The following NLGN1 variants were observed in gnomAD, a reference collection of about 807,000 sequenced individuals.
NLGN1 encodes neuroligin-1.
In NLGN1, 12 loss-of-function variants were observed where a neutral mutation model predicts 65.5. The ratio of observed to expected loss-of-function variants is 0.18; its 90% CI spans 0.12 to 0.30. The LOEUF (loss-of-function observed/expected upper bound fraction) is 0.30. Ranked by LOEUF, NLGN1 falls within the 10% of genes least tolerant of loss-of-function variation. The pLI is 1.00. For missense variants in NLGN1, 750 were observed against 1,007.1 expected, an observed-to-expected ratio of 0.74 and a Z score of 3.46; for synonymous variants, 350 against 359.5, an observed-to-expected ratio of 0.97 and a Z score of 0.30.
intron 1 of NLGN1, among the ~76,000 whole-genome samples, chr3:173,425,126 C>T (rs906484398): frequency 6.6e-6 from 1 of 152,084 alleles, no homozygotes; most frequent in East Asian, 1.9e-4. Flanking sequence ...GAGGAAGTGC[C>T]ACACTTAAAA....
At chr3:173,869,474 A>T (rs1560527229) in intron 4 of NLGN1, among the ~76,000 whole-genome samples, 1 of 152,182 alleles carries the variant, frequency 6.6e-6, no homozygotes, top group Non-Finnish European at 1.5e-5. Context: ...CTCCCTGGGC[A>T]TCAGAAACTA....
chr3:173,679,813 A>G (rs1186904524), intron 3 of NLGN1, among the ~76,000 whole-genome samples: 1 of 152,104 alleles, frequency 6.6e-6, no homozygotes, highest in East Asian at 1.9e-4. Flanking sequence ...ACCATGATAA[A>G]CCTACTGTAT....
chr3:174,085,004 G>A (rs182694751), intron 4 of NLGN1, among the ~76,000 whole-genome samples: 22 of 151,918 alleles, frequency 1.4e-4, no homozygotes, highest in Admixed American at 1.2e-3. Context: ...CCAAACTAGC[G>A]AAAATTCTTG....
intron 4 of NLGN1, among the ~76,000 whole-genome samples, chr3:174,096,953 G>A (rs758603272): frequency 4.0e-5 from 6 of 151,870 alleles, no homozygotes; most frequent in African/African-American, 7.2e-5. Context: ...ATAAGTTTTT[G>A]TGTATGTATG....
chr3:173,449,105 C>T (rs1720974045), intron 2 of NLGN1, among the ~76,000 whole-genome samples: 1 of 152,100 alleles, frequency 6.6e-6, no homozygotes, highest in East Asian at 1.9e-4. Context: ...CTTCTGCTAG[C>T]TTTTGAATGT....
At chr3:173,463,258 G>T (rs1576811828) in intron 2 of NLGN1, among the ~76,000 whole-genome samples, 1 of 152,234 alleles carries the variant, frequency 6.6e-6, no homozygotes, top group East Asian at 1.9e-4. Context: ...GGATTATATT[G>T]TTCAAAAACA....
At chr3:174,135,096 A>G (rs1012687358) in intron 4 of NLGN1, among the ~76,000 whole-genome samples, 1 of 152,144 alleles carries the variant, frequency 6.6e-6, no homozygotes, top group Admixed American at 6.5e-5. Context: ...TGATCATCCC[A>G]CGTGTAACAC....
At chr3:173,969,602 T>TAA (rs906661274) in intron 4 of NLGN1, among the ~76,000 whole-genome samples, 14 of 152,114 alleles carry the variant, frequency 9.2e-5, no homozygotes, top group African/African-American at 2.9e-4. Flanking sequence ...ATCCTTGACT[T>TAA]ACGTGAGCTT....
intron 4 of NLGN1, among the ~76,000 whole-genome samples, chr3:173,870,720 T>C (rs1158772069): frequency 6.6e-6 from 1 of 152,186 alleles, no homozygotes; most frequent in Middle Eastern, 3.2e-3. Context: ...AGAACATTCA[T>C]TGTGGTGCTT....
At chr3:173,661,236 C>T (rs1459441440) in intron 3 of NLGN1, among the ~76,000 whole-genome samples, 1 of 151,950 alleles carries the variant, frequency 6.6e-6, no homozygotes, top group Non-Finnish European at 1.5e-5. Flanking sequence ...AAGAAAGAAA[C>T]TCATTTGATG....
chr3:173,514,572 A>G (rs1733521638), intron 2 of NLGN1, among the ~76,000 whole-genome samples: 1 of 152,194 alleles, frequency 6.6e-6, no homozygotes, highest in Non-Finnish European at 1.5e-5. Context: ...TAACATTGTT[A>G]TGTATAGGCA....
chr3:173,614,642 A>G (rs1752784697), intron 3 of NLGN1, among the ~76,000 whole-genome samples: 1 of 152,088 alleles, frequency 6.6e-6, no homozygotes, highest in South Asian at 2.1e-4. Context: ...GAGCTCCTCC[A>G]AGCTAGGCAG....
At chr3:173,858,467 G>A (rs890850750) in intron 4 of NLGN1, among the ~76,000 whole-genome samples, 2 of 151,874 alleles carry the variant, frequency 1.3e-5, no homozygotes, top group Non-Finnish European at 2.9e-5. Flanking sequence ...AGCCTATGTA[G>A]GTTCTGGGTA....
intron 4 of NLGN1, among the ~76,000 whole-genome samples, chr3:174,019,182 G>C (rs747826769): frequency 3.4e-4 from 52 of 152,112 alleles, no homozygotes; most frequent in Non-Finnish European, 4.7e-4. Context: ...ACAAAATTAT[G>C]AGTATAGTAT....
chr3:173,749,923 T>C (rs1187777052), intron 3 of NLGN1, among the ~76,000 whole-genome samples: 2 of 152,082 alleles, frequency 1.3e-5, no homozygotes, highest in South Asian at 2.1e-4. Context: ...CTGGTAATTA[T>C]TGGATACTTT....
At chr3:174,228,808 G>A (rs11716348) in intron 4 of NLGN1, among the ~76,000 whole-genome samples, 47,760 of 151,776 alleles carry the variant, frequency 0.31, 8,097 homozygotes, top group East Asian at 0.5. Flanking sequence ...ATTCTATTAG[G>A]TTTCTGTGGG....
downstream of NLGN1, among the ~76,000 whole-genome samples, chr3:174,286,925 TGA>T (rs1345559727): frequency 1.3e-5 from 2 of 151,266 alleles, no homozygotes; most frequent in Non-Finnish European, 3.0e-5. Flanking sequence ...AAGGAGGAAG[TGA>T]GAGAGAACAA....
intron 4 of NLGN1, among the ~76,000 whole-genome samples, chr3:174,205,880 G>T (rs78317820): frequency 6.6e-6 from 1 of 152,138 alleles, no homozygotes; most frequent in African/African-American, 2.4e-5. Flanking sequence ...TAGGATTCTC[G>T]TGAGTATCAC....
At chr3:173,886,476 T>C (rs1288565651) in intron 4 of NLGN1, among the ~76,000 whole-genome samples, 2 of 152,098 alleles carry the variant, frequency 1.3e-5, no homozygotes, top group Non-Finnish European at 2.9e-5. Context: ...TCATCCATTT[T>C]ACTAGTTATT....
Sources: gnomAD v4.1 joint callset for allele counts (sites outside exome capture counted in the v4.1 genomes callset) on GRCh38, gnomAD v4.1.1 for gene constraint, MANE v1.5 for transcripts, NCBI Gene and HGNC (gene_info 2026-07-23, HGNC 2026-07-21) for gene names.